Variants in NELFB observed in about 807,000 individuals in gnomAD.
NELFB encodes negative elongation factor complex member B.
Under a neutral mutation model 60.2 loss-of-function variants are expected in NELFB, and 34 were observed. The observed-to-expected ratio is 0.56, with a 90% CI of 0.43 to 0.75. NELFB has a LOEUF of 0.75. Ranked by LOEUF, NELFB falls within the 30% of genes least tolerant of loss-of-function variation. The probability of loss-of-function intolerance (pLI) is 0.00; values close to 1 mark genes in which losing one functional copy is unlikely to be tolerated. For synonymous variants in NELFB, 459 were observed against 382.1 expected (o/e 1.20, Z -2.35); for missense variants, 770 against 831.6 (o/e 0.93, Z 0.91).
chr9:137,259,595 G>A (rs1240879320), intron 4 of NELFB, among the ~76,000 whole-genome samples: 7 of 151,992 alleles, frequency 4.6e-5, no homozygotes, highest in African/African-American at 1.7e-4. Flanking sequence ...GTCTGTAAGG[G>A]AAATCAGTCG....
In NELFB at chr9:137,272,119, C is replaced by T. The variant is rs753312504; in HGVS notation, c.1528C>T (p.Leu510Phe). 7 of 1,614,100 alleles carry T rather than the reference C, an allele frequency of 4.3e-6. No homozygotes were observed. The highest frequency in any genetic ancestry group is 2.2e-5 in the East Asian group (1 of 44,892). ...CGACTTGGCCTTTGGCGACATCTTC[C>T]TCCACCTGCTCACGGGCAACCTTGC... The change falls in exon 11 of 13, where the codon CTC becomes TTC. Residue 510 changes from leucine (L) to phenylalanine (F), a missense_variant. Physicochemically the swap from Leu to Phe is conservative, Grantham distance 22 (BLOSUM62 0). Transcript: ENST00000343053.
At chr9:137,262,270 C>A (rs980255818) in intron 4 of NELFB, among the ~76,000 whole-genome samples, 4 of 152,216 alleles carry the variant, frequency 2.6e-5, no homozygotes, top group Admixed American at 6.5e-5. Flanking sequence ...CTCCCTTTCC[C>A]TGTCTGCTAA....
chr9:137,262,778 C>T (rs564257887), intron 4 of NELFB, among the ~76,000 whole-genome samples: 2 of 152,176 alleles, frequency 1.3e-5, no homozygotes, highest in East Asian at 1.9e-4. Flanking sequence ...TGCAGTGAGC[C>T]ACAGTTGCAG....
At chr9:137,268,243 A>G (rs545827302) in intron 10 of NELFB, among the ~76,000 whole-genome samples, 1 of 152,130 alleles carries the variant, frequency 6.6e-6, no homozygotes, top group Non-Finnish European at 1.5e-5. Context: ...TTGCTGTCTT[A>G]GTCCACGTTA....
At chr9:137,258,449 A>ATTT (rs535031200) in intron 4 of NELFB, among the ~76,000 whole-genome samples, 7 of 129,378 alleles carry the variant, frequency 5.4e-5, no homozygotes, top group Non-Finnish European at 8.3e-5. Context: ...TAATTAGCCA[A>ATTT]TTTTTTTTTT....
Position 137,272,988 on chromosome 9 carries a change from G to T in NELFB, c.*60G>T. 6.9e-7 allele frequency: 1 copy of T among 1,449,566 alleles called. No individual in the cohort carries two copies. The highest frequency in any genetic ancestry group is 1.4e-5 in the South Asian group (1 of 69,778). The allele number at this position is 1,449,566 out of a possible 1,614,324, so 89.8% of individuals were successfully genotyped here. On this transcript the variant is annotated 3_prime_UTR_variant, in exon 13 of 13. Transcript: ENST00000343053. ...GCCGAGTCGCGGCCCTGCTCAGCCG[G>T]AAGAGGCTCCCGGACCTGGATGTAC...
At chr9:137,257,107 T>C (rs1837566701) in intron 4 of NELFB, 53 bp downstream of exon 4, 3 of 1,496,120 alleles carry the variant, frequency 2.0e-6, no homozygotes, top group Non-Finnish European at 2.8e-6. Context: ...ATGCCACGGC[T>C]AGCGCCTTCA....
At position 137,272,219 on chromosome 9, in the gene NELFB, C is replaced by T; in HGVS notation, c.1628C>T (p.Pro543Leu). 6.2e-7 allele frequency: 1 copy of T among 1,614,078 alleles called. No homozygotes were observed. The highest frequency in any genetic ancestry group is 1.1e-5 in the South Asian group (1 of 91,086). The change falls in exon 11 of 13, where the codon CCA becomes CTA. Residue 543 changes from proline (P) to leucine (L), a missense_variant. Physicochemically the swap from Pro to Leu is moderately conservative, Grantham distance 98 (BLOSUM62 -3). Coordinates refer to ENST00000343053, the MANE Select transcript of NELFB (RefSeq NM_015456.5). The stretch of plus-strand genomic sequence containing the variant: ...GATGGCTTCTTCCTCACCGCCTCTC[C>T]AAGGTAGGCCTGCTGGGTACCATCC...
At chr9:137,261,657 CAAAAAA>C (rs56873736) in intron 4 of NELFB, among the ~76,000 whole-genome samples, 1 of 140,206 alleles carries the variant, frequency 7.1e-6, no homozygotes, top group Non-Finnish European at 1.5e-5. Context: ...GACTCCGTCT[CAAAAAA>C]AAAAAAAAAA....
intron 6 of NELFB, among the ~76,000 whole-genome samples, chr9:137,265,053 T>TTTG (rs1564444153): frequency 1.4e-5 from 2 of 146,622 alleles, no homozygotes; most frequent in Non-Finnish European, 3.0e-5. Context: ...TTTTTTTTTT[T>TTTG]TCTGAGACAG....
intron 4 of NELFB, among the ~76,000 whole-genome samples, chr9:137,258,685 C>T (rs993580646): frequency 2.0e-5 from 3 of 151,846 alleles, no homozygotes; most frequent in African/African-American, 7.3e-5. Context: ...GAACTCCTGA[C>T]CTCAGGTAAT....
In NELFB at chr9:137,263,121, C is replaced by T. The variant is rs1489252195; in HGVS notation, c.826C>T (p.Arg276Cys). ...GCAGTTTCTGCGCACGCTCTTCCTGCGCACGCGGAATGTGCACTACTGCAC... is the reference window on the plus strand; with the variant it reads ...GCAGTTTCTGCGCACGCTCTTCCTGTGCACGCGGAATGTGCACTACTGCAC... The change falls in exon 5 of 13, where the codon CGC (arginine) becomes TGC (cysteine). Residue 276 changes from arginine (R) to cysteine (C), a missense_variant. By Grantham distance (180) the Arg-to-Cys change is radical (BLOSUM62 -3). Transcript: ENST00000343053. 2.5e-6 allele frequency: 4 copies of T among 1,614,076 alleles called. No individual in the cohort carries two copies. Among genetic ancestry groups the T allele is most frequent in the Admixed American group, 1.7e-5 (1 of 60,028 alleles).
At position 137,267,250 on chromosome 9, in the gene NELFB, G is replaced by A. The variant is rs1830532172; in HGVS notation, c.1393G>A (p.Glu465Lys). The A allele has an allele frequency of 6.2e-7, 1 of 1,612,534 alleles. No individual in the cohort carries two copies. Among genetic ancestry groups the A allele is most frequent in the Non-Finnish European group, 8.5e-7 (1 of 1,179,068 alleles). ...GCGCCCCGGGCGCAGGTTTCTGCAGGAGCAGCGCATGGCCTGCGAGGTGGG... is the reference window on the plus strand; with the variant it reads ...GCGCCCCGGGCGCAGGTTTCTGCAGAAGCAGCGCATGGCCTGCGAGGTGGG... Residue 465 changes from glutamate (E) to lysine (K), a missense_variant, in exon 10 of 13, where the codon GAG becomes AAG. Transcript: ENST00000343053.
chr9:137,264,433 G>A lies in NELFB; in HGVS notation c.1040+76G>A, dbSNP rs976282924. 17 of 1,068,416 alleles carry A rather than the reference G, an allele frequency of 1.6e-5. No individual in the cohort carries two copies. The Middle Eastern group carries it at 1.2e-3, about 74-fold the overall frequency. 66.2% of individuals were successfully genotyped at this position (1,068,416 alleles called of 1,614,324 possible). A position where few individuals can be genotyped will look rare whatever the true frequency, so the allele number is the denominator to read the frequency against. Reference sequence around the variant, plus strand: ...CGGTCTGCGCTTGCTGTGTTTTGCCGTGGGTAGCAGGCGTTTATTCCCGGA... The same window carrying A: ...CGGTCTGCGCTTGCTGTGTTTTGCCATGGGTAGCAGGCGTTTATTCCCGGA... On this transcript the variant is annotated intron_variant, in intron 6 of 12. Coordinates refer to ENST00000343053, the MANE Select transcript of NELFB (RefSeq NM_015456.5).
Position 137,271,058 on chromosome 9 carries a change from C to T in NELFB, c.1490-1023C>T, listed in dbSNP as rs11534410. Among the ~76,000 whole-genome samples, 30 of 152,396 alleles carry T rather than the reference C, an allele frequency of 2.0e-4. No individual in the cohort carries two copies. In the East Asian group the frequency reaches 4.8e-3, roughly 24 times the overall value. ...CTCCTGCCTGCTGTGTGGACGGTCC[C>T]GTCAGGGTTGGGATGCGCCTGCTGT... On this transcript the variant is annotated intron_variant, in intron 10 of 12. Coordinates refer to ENST00000343053, the MANE Select transcript of NELFB (RefSeq NM_015456.5).
At position 137,264,346 on chromosome 9, in the gene NELFB, G is replaced by A. The variant is rs1462410389; in HGVS notation, c.1029G>A (p.Glu343=). 3 of 1,589,898 alleles carry A rather than the reference G, an allele frequency of 1.9e-6. No homozygotes were observed. The highest frequency in any genetic ancestry group is 1.3e-5 in the African/African-American group (1 of 74,818). ...TCGATGGCGTCAAGAAGGGCCAGGAGCAGGTGCTGGGGTGAGGGTCGGCTC... is the reference window on the plus strand; with the variant it reads ...TCGATGGCGTCAAGAAGGGCCAGGAACAGGTGCTGGGGTGAGGGTCGGCTC... The change falls in exon 6 of 13, where the codon GAG becomes GAA. Residue 343 remains glutamate (E), a synonymous_variant. Coordinates refer to ENST00000343053, the MANE Select transcript of NELFB (RefSeq NM_015456.5).
At chr9:137,261,339 C>CAAA (rs749817003) in intron 4 of NELFB, among the ~76,000 whole-genome samples, 1 of 65,632 alleles carries the variant, frequency 1.5e-5, no homozygotes, top group African/African-American at 6.2e-5. Flanking sequence ...GACTCGGTTT[C>CAAA]AAAAAAAAAA....
intron 5 of NELFB, among the ~76,000 whole-genome samples, chr9:137,263,559 G>C (rs1254409528): frequency 6.7e-6 from 1 of 149,530 alleles, no homozygotes; most frequent in African/African-American, 2.5e-5. Flanking sequence ...GTTTGGCTTG[G>C]CCCGGGACCA....
chr9:137,266,892 G>GGGT, intron 8 of NELFB, 52 bp from the exon 9 acceptor site: 2 of 1,600,672 alleles, frequency 1.2e-6, no homozygotes, highest in Non-Finnish European at 1.7e-6. Flanking sequence ...CGTCAGGGTG[G>GGGT]GGTGGGGCAG....
Sources: gnomAD v4.1 joint callset for allele counts (sites outside exome capture counted in the v4.1 genomes callset) on GRCh38, gnomAD v4.1.1 for gene constraint, MANE v1.5 for transcripts, NCBI Gene and HGNC (gene_info 2026-07-23, HGNC 2026-07-21) for gene names.